RAB27B: variants seen among roughly 807,000 people sequenced by gnomAD.
The protein encoded by RAB27B is RAB27B, member RAS oncogene family, also known as ras-related protein Rab-27B.
In RAB27B, 15 loss-of-function variants were observed where a neutral mutation model predicts 24.6. That is an observed-to-expected ratio of 0.61 (90% confidence interval 0.41 to 0.94). The LOEUF (loss-of-function observed/expected upper bound fraction) is 0.94. RAB27B is among the 40% of genes least tolerant of loss of function. The pLI is 0.00. For missense variants in RAB27B, 261 were observed against 266.8 expected, an observed-to-expected ratio of 0.98 and a Z score of 0.15; for synonymous variants, 105 against 92.5, an observed-to-expected ratio of 1.14 and a Z score of -0.78.
chr18:54,769,459 TG>T (rs531505150), intron 2 of RAB27B, among the ~76,000 whole-genome samples: 1,267 of 43,400 alleles, frequency 0.029, 18 homozygotes, highest in African/African-American at 0.044. Context: ...GTTTTTTTGT[TG>T]TTGTTGTTGT....
At chr18:54,781,998 A>G (rs1307946981) in intron 2 of RAB27B, among the ~76,000 whole-genome samples, 1 of 152,230 alleles carries the variant, frequency 6.6e-6, no homozygotes, top group Non-Finnish European at 1.5e-5. Flanking sequence ...CAAAAGTTAA[A>G]TGTTTTTGAA....
At chr18:54,873,110 A>G (rs1455203592) in intron 1 of RAB27B, among the ~76,000 whole-genome samples, 1 of 151,816 alleles carries the variant, frequency 6.6e-6, no homozygotes, top group Non-Finnish European at 1.5e-5. Context: ...TTTGTTTCTA[A>G]CACAATTTGT....
chr18:54,886,086 G>A (rs916691350), intron 4 of RAB27B, among the ~76,000 whole-genome samples: 10 of 151,988 alleles, frequency 6.6e-5, no homozygotes, highest in East Asian at 1.9e-4. Context: ...ACATTTCAAC[G>A]TTGGACATAG....
At chr18:54,868,142 G>T (rs1469872591) in intron 1 of RAB27B, among the ~76,000 whole-genome samples, 1 of 152,116 alleles carries the variant, frequency 6.6e-6, no homozygotes, top group Non-Finnish European at 1.5e-5. Flanking sequence ...AAAAGTGGGA[G>T]AGATGCTAAG....
intron 1 of RAB27B, among the ~76,000 whole-genome samples, chr18:54,839,522 C>G (rs1237158184): frequency 1.3e-5 from 2 of 152,152 alleles, no homozygotes; most frequent in Non-Finnish European, 2.9e-5. Context: ...TTTCAAGGCA[C>G]AACTGAACTA....
At chr18:54,876,549 G>T (rs1913191028) in intron 1 of RAB27B, among the ~76,000 whole-genome samples, 1 of 151,840 alleles carries the variant, frequency 6.6e-6, no homozygotes, top group South Asian at 2.1e-4. Flanking sequence ...CATGATTCAG[G>T]AAGTTGTACC....
At chr18:54,725,816 A>G (rs1411584382) in intron 2 of RAB27B, among the ~76,000 whole-genome samples, 1 of 151,584 alleles carries the variant, frequency 6.6e-6, no homozygotes, top group African/African-American at 2.4e-5. Context: ...GGGAATTACA[A>G]TTCAAGATGA....
intron 2 of RAB27B, among the ~76,000 whole-genome samples, chr18:54,718,700 T>G (rs1909267330): frequency 6.6e-6 from 1 of 152,198 alleles, no homozygotes; most frequent in Non-Finnish European, 1.5e-5. Context: ...AAAACAATGC[T>G]AATCTAAGAT....
chr18:54,830,413 A>T (rs1416357957), intron 1 of RAB27B, among the ~76,000 whole-genome samples: 2 of 152,282 alleles, frequency 1.3e-5, no homozygotes, highest in East Asian at 3.9e-4. Flanking sequence ...TAGAACAATT[A>T]CTCATATAAA....
chr18:54,854,650 C>T (rs375060873), intron 1 of RAB27B, among the ~76,000 whole-genome samples: 10 of 152,236 alleles, frequency 6.6e-5, no homozygotes, highest in East Asian at 5.8e-4. Context: ...GAAATTTGTC[C>T]GCAAGCAGAC....
At chr18:54,724,114 A>G (rs1016425017) in intron 2 of RAB27B, among the ~76,000 whole-genome samples, 5 of 149,692 alleles carry the variant, frequency 3.3e-5, no homozygotes, top group African/African-American at 1.2e-4. Context: ...GGGAATTTTT[A>G]TTTACATCAA....
chr18:54,792,095 C>T (rs1420408262), intron 2 of RAB27B, among the ~76,000 whole-genome samples: 1 of 152,170 alleles, frequency 6.6e-6, no homozygotes, highest in Non-Finnish European at 1.5e-5. Flanking sequence ...GGTAGAGGGT[C>T]TAATTGAGCT....
intron 2 of RAB27B, among the ~76,000 whole-genome samples, chr18:54,787,641 A>G (rs968920797): frequency 6.6e-6 from 1 of 152,186 alleles, no homozygotes; most frequent in African/African-American, 2.4e-5. Context: ...TAATAGCAGT[A>G]ATGGCATCAA....
At chr18:54,754,292 T>C (rs1907934026) in intron 2 of RAB27B, among the ~76,000 whole-genome samples, 1 of 152,022 alleles carries the variant, frequency 6.6e-6, no homozygotes, top group Non-Finnish European at 1.5e-5. Context: ...CCTTCTACCA[T>C]AATTGTAAGT....
chr18:54,818,938 G>A lies in RAB27B; in HGVS notation c.-19-58629G>A, dbSNP rs569148530. On this transcript the variant is annotated intron_variant, in intron 2 of 4. Transcript: ENST00000586570. ...TAATTGATTTAAAATAAATTGAATGGTTCTAGCATATTCATATTTTATATG... is the reference window on the plus strand; with the variant it reads ...TAATTGATTTAAAATAAATTGAATGATTCTAGCATATTCATATTTTATATG... 9.9e-5 allele frequency among the ~76,000 whole-genome samples: 15 copies of A among 151,570 alleles called. No individual in the cohort carries two copies. The South Asian group carries it at 2.9e-3, about 29-fold the overall frequency.
At chr18:54,729,856 C>CA (rs921106241) in intron 2 of RAB27B, among the ~76,000 whole-genome samples, 59 of 146,588 alleles carry the variant, frequency 4.0e-4, no homozygotes, top group Admixed American at 6.1e-4. Context: ...GACAAAAGGA[C>CA]AAAAAAAAAA....
chr18:54,853,187 TC>T (rs1911655185), intron 1 of RAB27B, among the ~76,000 whole-genome samples: 2 of 152,288 alleles, frequency 1.3e-5, no homozygotes, highest in African/African-American at 4.8e-5. Flanking sequence ...TATGCTGTGT[TC>T]CGAGTAACTT....
intron 1 of RAB27B, among the ~76,000 whole-genome samples, chr18:54,856,557 G>A (rs1399626636): frequency 6.6e-6 from 1 of 152,186 alleles, no homozygotes; most frequent in Non-Finnish European, 1.5e-5. Context: ...AAGTTAGGAG[G>A]CTCTTATTAG....
intron 2 of RAB27B, among the ~76,000 whole-genome samples, chr18:54,798,938 G>A (rs978671680): frequency 1.3e-5 from 2 of 152,028 alleles, no homozygotes; most frequent in Non-Finnish European, 2.9e-5. Context: ...CAAAGATGAA[G>A]GCAAAAATCA....
Sources: gnomAD v4.1 joint callset for allele counts (sites outside exome capture counted in the v4.1 genomes callset) on GRCh38, gnomAD v4.1.1 for gene constraint, MANE v1.5 for transcripts, NCBI Gene and HGNC (gene_info 2026-07-23, HGNC 2026-07-21) for gene names.